DCBLD2: variants seen among roughly 807,000 people sequenced by gnomAD.
The protein encoded by DCBLD2 is discoidin, CUB and LCCL domain containing 2.
DCBLD2 carries 54 observed loss-of-function variants against 86.8 expected under a neutral mutation model. The observed-to-expected ratio is 0.62, with a 90% CI of 0.50 to 0.78. The LOEUF (loss-of-function observed/expected upper bound fraction) is 0.78, where lower values mean the gene tolerates loss of function less well. Among genes scored for constraint, DCBLD2 ranks in the 30% least tolerant of loss-of-function variants. DCBLD2 has a pLI of 0.00. For synonymous variants in DCBLD2, 354 were observed against 341.3 expected (o/e 1.04, Z -0.41); for missense variants, 908 against 954.2 (o/e 0.95, Z 0.64).
At chr3:98,844,060 A>ACACACACACACACACC in intron 3 of DCBLD2, among the ~76,000 whole-genome samples, 1 of 143,310 alleles carries the variant, frequency 7.0e-6, no homozygotes, top group East Asian at 2.0e-4. Flanking sequence ...ACACACACAC[A>ACACACACACACACACC]CACCCCAATT....
At chr3:98,820,518 C>T (rs181966997) in intron 6 of DCBLD2, among the ~76,000 whole-genome samples, 3 of 152,136 alleles carry the variant, frequency 2.0e-5, no homozygotes, top group Admixed American at 6.5e-5. Context: ...ATCTAGCACC[C>T]AGTTTCATAT....
At chr3:98,875,314 G>C (rs986022550) in intron 2 of DCBLD2, among the ~76,000 whole-genome samples, 1 of 152,026 alleles carries the variant, frequency 6.6e-6, no homozygotes, top group Admixed American at 6.6e-5. Flanking sequence ...CATCTCCATT[G>C]CAACAAAGCA....
At chr3:98,844,064 C>CACACACACACACA (rs1174112428) in intron 3 of DCBLD2, among the ~76,000 whole-genome samples, 2 of 63,852 alleles carry the variant, frequency 3.1e-5, no homozygotes, top group Non-Finnish European at 7.3e-5. Context: ...ACACACACAC[C>CACACACACACACA]CCAATTATGG....
rs145419202 is a variant in DCBLD2, at chr3:98,832,140, T to C, written c.572-6774A>G. Reference sequence around the variant, plus strand: ...TGGGTGCTCCTGTGTTGAGTGCATATATATTTAGAATAGTTAGGTATTCTT... The same window carrying C: ...TGGGTGCTCCTGTGTTGAGTGCATACATATTTAGAATAGTTAGGTATTCTT... On this transcript the variant is annotated intron_variant, in intron 3 of 15. Transcript: ENST00000326840. 3.9e-5 allele frequency among the ~76,000 whole-genome samples: 6 copies of C among 152,340 alleles called. No individual in the cohort carries two copies. In the East Asian group the frequency reaches 9.7e-4, roughly 25 times the overall value.
chr3:98,900,505 A>G (rs1559805004), intron 1 of DCBLD2, among the ~76,000 whole-genome samples: 4 of 151,948 alleles, frequency 2.6e-5, no homozygotes, highest in Admixed American at 6.6e-5. Context: ...CACTTTCTGG[A>G]AAGGCTTACC....
chr3:98,839,030 G>GAGGGAT (rs1942552593), intron 3 of DCBLD2, among the ~76,000 whole-genome samples: 1 of 143,492 alleles, frequency 7.0e-6, no homozygotes, highest in Non-Finnish European at 1.5e-5. Context: ...ACCGTCGGGA[G>GAGGGAT]AGGGAGAGGG....
At chr3:98,892,911 G>A (rs1453622081) in intron 1 of DCBLD2, among the ~76,000 whole-genome samples, 1 of 152,070 alleles carries the variant, frequency 6.6e-6, no homozygotes, top group African/African-American at 2.4e-5. Flanking sequence ...AAACACTGAA[G>A]CACACCAACA....
At chr3:98,804,201 T>C (rs1219822220) in intron 13 of DCBLD2, among the ~76,000 whole-genome samples, 2 of 152,200 alleles carry the variant, frequency 1.3e-5, no homozygotes, top group Non-Finnish European at 2.9e-5. Flanking sequence ...TGGTAGGCTA[T>C]TAATTATTGC....
intron 3 of DCBLD2, among the ~76,000 whole-genome samples, chr3:98,831,145 C>T (rs1427246106): frequency 6.6e-6 from 1 of 150,386 alleles, no homozygotes; most frequent in Non-Finnish European, 1.5e-5. Flanking sequence ...GATCTTGGCT[C>T]ACTGCAACCT....
intron 1 of DCBLD2, among the ~76,000 whole-genome samples, chr3:98,897,301 T>C (rs1261164623): frequency 6.6e-6 from 1 of 152,200 alleles, no homozygotes; most frequent in Non-Finnish European, 1.5e-5. Flanking sequence ...AAATGTGCTG[T>C]TTCAATCTGA....
intron 2 of DCBLD2, among the ~76,000 whole-genome samples, chr3:98,866,155 T>C (rs1347313181): frequency 2.0e-5 from 3 of 152,198 alleles, no homozygotes; most frequent in Non-Finnish European, 4.4e-5. Flanking sequence ...TTGTGAATAG[T>C]GCCGCAATAA....
In DCBLD2 at chr3:98,870,656, AAGAGAG is replaced by A. The variant is rs71124007; in HGVS notation, c.433+10878_433+10883del. ...AAATGGAAGGAAGAAGAGATAGAGA[AAGAGAG>A]AGAGAGAGAGAGAGAGAAATAGAGA... On this transcript the variant is annotated intron_variant, in intron 2 of 15. Transcript: ENST00000326840. Among the ~76,000 whole-genome samples the A allele has an allele frequency of 2.1e-4, 28 of 134,238 alleles. 1 individual carries two copies. In the East Asian group the frequency reaches 2.1e-3, roughly 10 times the overall value. The allele number at this position is 134,238 out of a possible 152,430, so 88.1% of individuals were successfully genotyped here. A position where few individuals can be genotyped will look rare whatever the true frequency, so the allele number is the denominator to read the frequency against.
In DCBLD2 at chr3:98,800,733, A is replaced by G; in HGVS notation, c.1721-17T>C. On this transcript the variant is annotated splice_polypyrimidine_tract_variant and intron_variant, in intron 14 of 15. Coordinates refer to ENST00000326840, the MANE Select transcript of DCBLD2 (RefSeq NM_080927.4). The stretch of plus-strand genomic sequence containing the variant: ...TCCACCAACCTTCATTGTGACGGCA[A>G]GCCAAAGAGACCATTAAATAAAAAC... The G allele has an allele frequency of 6.2e-7, 1 of 1,613,910 alleles. No homozygotes were observed. The highest frequency in any genetic ancestry group is 8.5e-7 in the Non-Finnish European group (1 of 1,179,832).
intron 2 of DCBLD2, among the ~76,000 whole-genome samples, chr3:98,866,545 G>C (rs1361342135): frequency 2.0e-5 from 3 of 152,144 alleles, no homozygotes; most frequent in Non-Finnish European, 4.4e-5. Context: ...TTGCCCACTT[G>C]TTGATGGGGT....
intron 13 of DCBLD2, among the ~76,000 whole-genome samples, chr3:98,805,875 C>T (rs1941829785): frequency 6.6e-6 from 1 of 152,104 alleles, no homozygotes. Flanking sequence ...GTGAGTTATA[C>T]TTTATTTATT....
At chr3:98,822,815 T>A (rs556762502) in intron 4 of DCBLD2, 74 bp from the exon 5 acceptor site, 1 of 1,294,264 alleles carries the variant, frequency 7.7e-7, no homozygotes, top group South Asian at 1.4e-5. Context: ...CCCAAAAATA[T>A]CACAGACACA....
intron 9 of DCBLD2, chr3:98,813,224 G>C (rs1941969053): frequency 1.3e-5 from 2 of 152,216 alleles, no homozygotes; most frequent in African/African-American, 4.8e-5. Context: ...GAGTAGCTAG[G>C]ACTACAGAGG....
At chr3:98,899,532 G>A (rs1373312181) in intron 1 of DCBLD2, among the ~76,000 whole-genome samples, 5 of 152,118 alleles carry the variant, frequency 3.3e-5, no homozygotes, top group African/African-American at 1.2e-4. Context: ...TTACAGGTGT[G>A]AGCCACCGCG....
intron 1 of DCBLD2, among the ~76,000 whole-genome samples, chr3:98,896,999 C>T (rs1490282723): frequency 6.6e-6 from 1 of 152,150 alleles, no homozygotes; most frequent in Non-Finnish European, 1.5e-5. Context: ...AAGTGTAGTC[C>T]TAAATTTAAA....
Sources: gnomAD v4.1 joint callset for allele counts (sites outside exome capture counted in the v4.1 genomes callset) on GRCh38, gnomAD v4.1.1 for gene constraint, MANE v1.5 for transcripts, NCBI Gene and HGNC (gene_info 2026-07-23, HGNC 2026-07-21) for gene names.